The following PTPRD variants were observed in gnomAD, a reference collection of about 807,000 sequenced individuals.
The protein encoded by PTPRD is protein tyrosine phosphatase receptor type D.
PTPRD carries 34 observed loss-of-function variants against 214.5 expected under a neutral mutation model. That is an observed-to-expected ratio of 0.16 (90% CI 0.12 to 0.21). PTPRD has a LOEUF of 0.21. Among genes scored for constraint, PTPRD ranks in the 10% least tolerant of loss-of-function variants. The pLI is 1.00. For synonymous variants in PTPRD, 1,128 were observed against 845.7 expected (o/e 1.33, Z -5.79); for missense variants, 2,545 against 2,398.7 (o/e 1.06, Z -1.27).
intron 7 of PTPRD, among the ~76,000 whole-genome samples, chr9:9,575,290 T>C (rs2088097560): frequency 6.6e-6 from 1 of 152,174 alleles, no homozygotes; most frequent in East Asian, 1.9e-4. Context: ...TTTTAAAGGC[T>C]GTACAGTACT....
rs1203931371 is a variant in PTPRD, at chr9:9,044,754, A to G, written c.-142-26019T>C. Among the ~76,000 whole-genome samples, 9 of 152,284 alleles carry G rather than the reference A, an allele frequency of 5.9e-5. No homozygotes were observed. The East Asian group carries it at 1.2e-3, about 20-fold the overall frequency. On this transcript the variant is annotated intron_variant, in intron 10 of 45. Transcript: ENST00000381196. Reference sequence around the variant, plus strand: ...ATTACCCTTTAAACATTTTCTCCCAACTTCTTCCCTTTTACCTTTTTTCCA... The same window carrying G: ...ATTACCCTTTAAACATTTTCTCCCAGCTTCTTCCCTTTTACCTTTTTTCCA...
At chr9:9,395,193 A>C (rs28597810) in intron 9 of PTPRD, among the ~76,000 whole-genome samples, 4,047 of 151,952 alleles carry the variant, frequency 0.027, 150 homozygotes, top group African/African-American at 0.083. Context: ...GAAACAAAAA[A>C]AAAAAAAAGT....
At position 9,329,758 on chromosome 9, in the gene PTPRD, C is replaced by T. The variant is rs1312657497; in HGVS notation, c.-203+67691G>A. On this transcript the variant is annotated intron_variant, in intron 9 of 45. Coordinates refer to ENST00000381196, the MANE Select transcript of PTPRD (RefSeq NM_002839.4). ...GGTTCTTCACAGCTGTTAGTTTCATCTTCAGATACTACTTCATATTGAAAA... is the reference window on the plus strand; with the variant it reads ...GGTTCTTCACAGCTGTTAGTTTCATTTTCAGATACTACTTCATATTGAAAA... Among the ~76,000 whole-genome samples, 13 of 152,220 alleles carry T rather than the reference C, an allele frequency of 8.5e-5. No homozygotes were observed. The East Asian group carries it at 2.5e-3, about 29-fold the overall frequency.
chr9:9,367,149 T>C (rs1033706075), intron 9 of PTPRD, among the ~76,000 whole-genome samples: 1 of 151,530 alleles, frequency 6.6e-6, no homozygotes, highest in African/African-American at 2.4e-5. Context: ...GTTATTTATA[T>C]TTATACATAT....
intron 9 of PTPRD, among the ~76,000 whole-genome samples, chr9:9,268,798 A>G (rs543875803): frequency 2.0e-4 from 29 of 146,556 alleles, no homozygotes; most frequent in African/African-American, 6.2e-4. Context: ...AAAACTTGAT[A>G]TCCACAAGCA....
chr9:9,655,595 C>G (rs1233015780), intron 7 of PTPRD, among the ~76,000 whole-genome samples: 1 of 151,052 alleles, frequency 6.6e-6, no homozygotes, highest in African/African-American at 2.4e-5. Flanking sequence ...CAAACCAAAC[C>G]AAACCAAACC....
At chr9:8,481,135 G>A (rs1187642515) in intron 30 of PTPRD, among the ~76,000 whole-genome samples, 4 of 91,494 alleles carry the variant, frequency 4.4e-5, no homozygotes, top group African/African-American at 9.3e-5. Context: ...GTTAGACTCC[G>A]TCTCAAAAAA....
At chr9:8,449,630 T>C (rs1052153506) in intron 34 of PTPRD, 95 bp downstream of exon 34, 16 of 1,131,116 alleles carry the variant, frequency 1.4e-5, no homozygotes, top group African/African-American at 4.7e-5. Context: ...ACAAAATGGC[T>C]CAAAATAAAG....
chr9:10,509,580 T>TATATATATATATATATATATATA (rs1491395020), intron 2 of PTPRD, among the ~76,000 whole-genome samples: 106 of 134,950 alleles, frequency 7.9e-4, no homozygotes, highest in East Asian at 1.4e-3. Flanking sequence ...TATATATATA[T>TATATATATATATATATATATATA]TTTACTCACT....
intron 34 of PTPRD, chr9:8,437,210 G>A (rs1485154955): frequency 2.0e-6 from 3 of 1,520,446 alleles, no homozygotes; most frequent in Admixed American, 2.0e-5. Context: ...GAAGAATGAA[G>A]GTTACCAGGG....
intron 28 of PTPRD, 79 bp from the exon 29 acceptor site, chr9:8,485,403 G>C: frequency 2.1e-6 from 2 of 941,696 alleles, no homozygotes; most frequent in Non-Finnish European, 3.3e-6. Context: ...GACCATAGGG[G>C]CTTATGCTAG....
chr9:8,544,854 T>C (rs1318266380), intron 14 of PTPRD, among the ~76,000 whole-genome samples: 2 of 151,830 alleles, frequency 1.3e-5, no homozygotes, highest in African/African-American at 2.4e-5. Flanking sequence ...ACTTAATCCT[T>C]TGACAATAAC....
intron 3 of PTPRD, among the ~76,000 whole-genome samples, chr9:10,255,888 A>G (rs1175867717): frequency 6.6e-6 from 1 of 152,050 alleles, no homozygotes; most frequent in Non-Finnish European, 1.5e-5. Flanking sequence ...GGGATTCATA[A>G]CCCCCAGGCC....
chr9:8,527,273 T>TTAA (rs34465399), intron 16 of PTPRD, 72 bp downstream of exon 16: 35 of 1,468,176 alleles, frequency 2.4e-5, no homozygotes, highest in Middle Eastern at 2.4e-4. Flanking sequence ...ATGCATTTTA[T>TTAA]TAATAATAAT....
intron 30 of PTPRD, among the ~76,000 whole-genome samples, chr9:8,475,817 T>C (rs537010774): frequency 6.6e-6 from 1 of 152,312 alleles, no homozygotes; most frequent in Non-Finnish European, 1.5e-5. Context: ...CCATCTCTAC[T>C]GCCACTCTTC....
intron 7 of PTPRD, among the ~76,000 whole-genome samples, chr9:9,652,189 T>G (rs1005861587): frequency 6.6e-6 from 1 of 152,124 alleles, no homozygotes; most frequent in Non-Finnish European, 1.5e-5. Context: ...TCAAAGCCTT[T>G]CTGCTCTATT....
intron 2 of PTPRD, among the ~76,000 whole-genome samples, chr9:10,543,768 C>A (rs2059642946): frequency 1.3e-5 from 2 of 152,330 alleles, no homozygotes; most frequent in South Asian, 2.1e-4. Context: ...TCGCAGTCAA[C>A]AACCTTTCAC....
chr9:10,390,875 AAAATAGACACAT>A (rs1655320262), intron 2 of PTPRD, among the ~76,000 whole-genome samples: 1 of 151,926 alleles, frequency 6.6e-6, no homozygotes, highest in African/African-American at 2.4e-5. Context: ...TTTTGGGCTT[AAAATAGACACAT>A]AAATTTCCCA....
chr9:8,708,212 A>G lies in PTPRD; in HGVS notation c.64+25568T>C, dbSNP rs2098249640. ...GCCAATGTGCAAATAGAACATAGAAAAAGTTATTTAATATCACCTCATGTC... is the reference window on the plus strand; with the variant it reads ...GCCAATGTGCAAATAGAACATAGAAGAAGTTATTTAATATCACCTCATGTC... On this transcript the variant is annotated intron_variant, in intron 12 of 45. Transcript: ENST00000381196. 2.0e-5 allele frequency among the ~76,000 whole-genome samples: 3 copies of G among 152,346 alleles called. No individual in the cohort carries two copies. The South Asian group carries it at 6.2e-4, about 32-fold the overall frequency.
Sources: gnomAD v4.1 joint callset for allele counts (sites outside exome capture counted in the v4.1 genomes callset) on GRCh38, gnomAD v4.1.1 for gene constraint, MANE v1.5 for transcripts, NCBI Gene and HGNC (gene_info 2026-07-23, HGNC 2026-07-21) for gene names.